Variants in MGAT4C observed in about 807,000 individuals in gnomAD.
MGAT4C encodes MGAT4 family member C.
Under a neutral mutation model 40.1 loss-of-function variants are expected in MGAT4C, and 19 were observed. That is an observed-to-expected ratio of 0.47 (90% CI 0.33 to 0.70). The LOEUF is 0.70. Ranked by LOEUF, MGAT4C falls within the 30% of genes least tolerant of loss-of-function variation. The pLI is 0.02. For synonymous variants in MGAT4C, 181 were observed against 187.1 expected (o/e 0.97, Z 0.27); for missense variants, 491 against 563.2 (o/e 0.87, Z 1.30).
chr12:86,612,266 T>C (rs185297838), intron 2 of MGAT4C, among the ~76,000 whole-genome samples: 2 of 152,198 alleles, frequency 1.3e-5, no homozygotes, highest in Non-Finnish European at 2.9e-5. Context: ...ATATACTTAT[T>C]TTCTCAACCT....
At chr12:86,008,066 A>G (rs1888079967) in intron 2 of MGAT4C, among the ~76,000 whole-genome samples, 1 of 152,010 alleles carries the variant, frequency 6.6e-6, no homozygotes, top group Non-Finnish European at 1.5e-5. Context: ...CTGGATTACT[A>G]TCTGAAATAT....
At chr12:86,484,556 G>A (rs1170435845) in intron 2 of MGAT4C, among the ~76,000 whole-genome samples, 2 of 152,206 alleles carry the variant, frequency 1.3e-5, no homozygotes, top group Non-Finnish European at 2.9e-5. Context: ...GGGGCAAAAG[G>A]ATGTAGCTGA....
Position 86,425,919 on chromosome 12 carries a change from T to G in MGAT4C, c.-120+9238A>C, listed in dbSNP as rs149943107. On this transcript the variant is annotated intron_variant, in intron 3 of 7. Transcript: ENST00000548651. The stretch of plus-strand genomic sequence containing the variant: ...TCTTTTAATATTTAAACTGTTTTAA[T>G]AAAATTAATATGCCAATATTAATAA... Among the ~76,000 whole-genome samples, 6 of 152,342 alleles carry G rather than the reference T, an allele frequency of 3.9e-5. No homozygotes were observed. The South Asian group carries it at 6.2e-4, about 16-fold the overall frequency.
At chr12:86,462,457 T>C (rs1426996733) in intron 2 of MGAT4C, among the ~76,000 whole-genome samples, 1 of 152,166 alleles carries the variant, frequency 6.6e-6, no homozygotes, top group Non-Finnish European at 1.5e-5. Context: ...CATGGAACGT[T>C]TGAAACACCT....
At chr12:86,472,901 G>A (rs1020475748) in intron 2 of MGAT4C, among the ~76,000 whole-genome samples, 1 of 152,108 alleles carries the variant, frequency 6.6e-6, no homozygotes, top group African/African-American at 2.4e-5. Context: ...TAGTACGGAA[G>A]AGAAATAAAA....
intron 3 of MGAT4C, among the ~76,000 whole-genome samples, chr12:86,416,202 G>A (rs1173897872): frequency 2.0e-5 from 3 of 152,030 alleles, no homozygotes; most frequent in Non-Finnish European, 4.4e-5. Flanking sequence ...CCTGTTGGAA[G>A]TATTTTTTAT....
intron 1 of MGAT4C, among the ~76,000 whole-genome samples, chr12:86,778,112 A>C (rs1284170806): frequency 6.6e-6 from 1 of 152,102 alleles, no homozygotes; most frequent in African/African-American, 2.4e-5. Flanking sequence ...TTCCTTTCAA[A>C]GCAGCTTTCT....
At chr12:86,267,045 ACTC>A (rs1952804012) in intron 4 of MGAT4C, among the ~76,000 whole-genome samples, 1 of 150,402 alleles carries the variant, frequency 6.6e-6, no homozygotes, top group African/African-American at 2.4e-5. Context: ...TTGTTTGTCT[ACTC>A]AAATAATCTA....
At chr12:86,401,997 GC>G (rs1956372791) in intron 3 of MGAT4C, among the ~76,000 whole-genome samples, 1 of 151,902 alleles carries the variant, frequency 6.6e-6, no homozygotes, top group Non-Finnish European at 1.5e-5. Context: ...TTGTAAAACT[GC>G]ATGTCCTGTA....
chr12:85,987,999 A>T (rs1484864386), intron 3 of MGAT4C, among the ~76,000 whole-genome samples: 1 of 152,250 alleles, frequency 6.6e-6, no homozygotes, highest in East Asian at 1.9e-4. Context: ...AAAAATAGCA[A>T]GAACACATGG....
At chr12:86,414,734 A>G (rs1202698416) in intron 3 of MGAT4C, among the ~76,000 whole-genome samples, 1 of 152,124 alleles carries the variant, frequency 6.6e-6, no homozygotes, top group Non-Finnish European at 1.5e-5. Flanking sequence ...CTACAAGTGT[A>G]CTTGTTACAG....
At chr12:86,554,995 C>T (rs957903029) in intron 2 of MGAT4C, among the ~76,000 whole-genome samples, 1 of 152,012 alleles carries the variant, frequency 6.6e-6, no homozygotes, top group African/African-American at 2.4e-5. Context: ...AGCAGCATAA[C>T]AACTTTAAAT....
intron 1 of MGAT4C, among the ~76,000 whole-genome samples, chr12:86,057,403 C>T (rs1893514406): frequency 6.6e-6 from 1 of 152,114 alleles, no homozygotes; most frequent in African/African-American, 2.4e-5. Flanking sequence ...ATTGGTTTCT[C>T]ATTGTTTGAA....
At chr12:86,064,553 A>G (rs768235708) in intron 1 of MGAT4C, among the ~76,000 whole-genome samples, 3 of 152,208 alleles carry the variant, frequency 2.0e-5, no homozygotes, top group Non-Finnish European at 4.4e-5. Context: ...TCTCTGAGAC[A>G]CATTTAAAAC....
At chr12:86,755,028 T>A (rs1372998128) in intron 1 of MGAT4C, among the ~76,000 whole-genome samples, 2 of 152,160 alleles carry the variant, frequency 1.3e-5, no homozygotes, top group African/African-American at 2.4e-5. Flanking sequence ...TAGTAGTCAA[T>A]AATGTAATAA....
chr12:86,191,398 C>T lies in MGAT4C; in HGVS notation c.-57+64841G>A, dbSNP rs189716529. ...GAATGCAATGGAAATATTCAAAATACATTGAAAATATCTCCTAATCAAATA... is the reference window on the plus strand; with the variant it reads ...GAATGCAATGGAAATATTCAAAATATATTGAAAATATCTCCTAATCAAATA... On this transcript the variant is annotated intron_variant, in intron 1 of 4. Transcript: ENST00000611864. Among the ~76,000 whole-genome samples the T allele has an allele frequency of 5.3e-5, 8 of 151,948 alleles. No individual in the cohort carries two copies. The East Asian group carries it at 5.9e-4, about 11-fold the overall frequency.
chr12:86,585,953 A>ATT (rs1565866499), intron 2 of MGAT4C, among the ~76,000 whole-genome samples: 12 of 150,386 alleles, frequency 8.0e-5, no homozygotes, highest in South Asian at 2.1e-4. Flanking sequence ...CCCTTTTTTT[A>ATT]ATTATTATTA....
intron 2 of MGAT4C, among the ~76,000 whole-genome samples, chr12:86,697,083 A>G (rs983072015): frequency 6.6e-5 from 10 of 152,152 alleles, no homozygotes; most frequent in African/African-American, 1.7e-4. Flanking sequence ...CTGATAAGGA[A>G]TATTTCCTTT....
intron 1 of MGAT4C, among the ~76,000 whole-genome samples, chr12:86,061,510 G>A (rs994979306): frequency 6.6e-6 from 1 of 150,418 alleles, no homozygotes; most frequent in African/African-American, 2.5e-5. Context: ...TGCCTGCAAC[G>A]CAAGCTAGAA....
Sources: gnomAD v4.1 joint callset for allele counts (sites outside exome capture counted in the v4.1 genomes callset) on GRCh38, gnomAD v4.1.1 for gene constraint, MANE v1.5 for transcripts, NCBI Gene and HGNC (gene_info 2026-07-23, HGNC 2026-07-21) for gene names.